The following FMNL3 variants were observed in gnomAD, a reference collection of about 807,000 sequenced individuals.
The protein encoded by FMNL3 is formin-like protein 3.
In FMNL3, 57 loss-of-function variants were observed where a neutral mutation model predicts 119.6. The ratio of observed to expected loss-of-function variants is 0.48; its 90% CI spans 0.39 to 0.59. The LOEUF (loss-of-function observed/expected upper bound fraction) is 0.59, where lower values mean the gene tolerates loss of function less well. Ranked by LOEUF, FMNL3 falls within the 20% of genes least tolerant of loss-of-function variation. The probability of loss-of-function intolerance (pLI) is 0.00; values close to 1 mark genes in which losing one functional copy is unlikely to be tolerated. For missense variants in FMNL3, 1,053 were observed against 1,323.5 expected (o/e 0.80, Z 3.17); for synonymous variants, 491 against 507.3 (o/e 0.97, Z 0.43).
At position 49,644,132 on chromosome 12, in the gene FMNL3, T is replaced by G. The variant is rs764979918; in HGVS notation, c.*1683A>C. 6.2e-7 allele frequency: 1 copy of G among 1,613,864 alleles called. No individual in the cohort carries two copies. The highest frequency in any genetic ancestry group is 1.1e-5 in the South Asian group (1 of 91,072). On this transcript the variant is annotated 3_prime_UTR_variant, in exon 26 of 26. Transcript: ENST00000335154. ...GGGACACGTCAGAAAGTGAGCTGAG[T>G]GAGGGTGAGCTGGAGAGGCGGCGGC...
chr12:49,637,146 C>G lies in FMNL3; in HGVS notation c.*8669G>C, dbSNP rs2138542750. The G allele has an allele frequency of 1.7e-6, 1 of 574,748 alleles. No individual in the cohort carries two copies. The highest frequency in any genetic ancestry group is 1.9e-5 in the African/African-American group (1 of 53,642). The allele number at this position is 574,748 out of a possible 1,614,324, so 35.6% of individuals were successfully genotyped here. A position where few individuals can be genotyped will look rare whatever the true frequency, so the allele number is the denominator to read the frequency against. On this transcript the variant is annotated 3_prime_UTR_variant, in exon 26 of 26. Transcript: ENST00000335154. The stretch of plus-strand genomic sequence containing the variant: ...TTATTTCCCTTGGTGGGGCACCCGA[C>G]AGGCAGAGTTTATTCCCTCAGCTTG...
chr12:49,659,621 C>T (rs144975627), intron 5 of FMNL3, among the ~76,000 whole-genome samples: 199 of 152,076 alleles, frequency 1.3e-3, no homozygotes, highest in South Asian at 0.011. Flanking sequence ...GCTATGTTAC[C>T]CAGTCTGGTC....
At chr12:49,651,628 G>T (rs1433299100) in intron 14 of FMNL3, among the ~76,000 whole-genome samples, 178 bp from the exon 15 acceptor site, 1 of 152,066 alleles carries the variant, frequency 6.6e-6, no homozygotes, top group Non-Finnish European at 1.5e-5. Context: ...CAGGGCAGTT[G>T]TTGCTGGTCT....
chr12:49,653,693 G>A (rs1943477630), intron 12 of FMNL3, 32 bp downstream of exon 12: 3 of 1,612,542 alleles, frequency 1.9e-6, no homozygotes, highest in Middle Eastern at 1.7e-4. Flanking sequence ...TCCATCAACA[G>A]TGGCTCTGGC....
In FMNL3 at chr12:49,662,042, G is replaced by A. The variant is rs752076456; in HGVS notation, c.376C>T (p.Arg126Trp). Residue 126 changes from arginine to tryptophan, a missense_variant, in exon 5 of 26, where the codon CGG becomes TGG. Around this residue, in one of 4 missense-constraint regions of FMNL3, gnomAD observed 264 missense variants for 265.5 expected, o/e 0.99. Transcript: ENST00000335154. Reference protein sequence around the residue: ...SLRTNHIGWVREFLNDENKGL... With the variant: ...SLRTNHIGWVWEFLNDENKGL... ...TTGTTTTCATCATTCAGAAATTCCCGCACCCACCTGCAGATAAAGGAAACA... is the reference window on the plus strand; with the variant it reads ...TTGTTTTCATCATTCAGAAATTCCCACACCCACCTGCAGATAAAGGAAACA... 2.0e-5 allele frequency: 33 copies of A among 1,614,012 alleles called. No individual in the cohort carries two copies. Among genetic ancestry groups the A allele is most frequent in the South Asian group, 3.3e-5 (3 of 91,080 alleles).
At position 49,645,260 on chromosome 12, in the gene FMNL3, T is replaced by C. The variant is rs574791223; in HGVS notation, c.*555A>G. The stretch of plus-strand genomic sequence containing the variant: ...AGGACAGTGTGAGCCTAGAATGAAA[T>C]GGGCAGAGAAATAAGGGCAGTGAGC... On this transcript the variant is annotated 3_prime_UTR_variant, in exon 26 of 26. Coordinates refer to ENST00000335154, the MANE Select transcript of FMNL3 (RefSeq NM_175736.5). The C allele has an allele frequency of 6.6e-6, 1 of 152,242 alleles. No individual in the cohort carries two copies. The highest frequency in any genetic ancestry group is 6.5e-5 in the Admixed American group (1 of 15,274). The allele number at this position is 152,242 out of a possible 1,614,324, so 9.4% of individuals were successfully genotyped here.
chr12:49,670,427 G>C (rs1034881984), intron 1 of FMNL3, among the ~76,000 whole-genome samples: 6 of 152,134 alleles, frequency 3.9e-5, no homozygotes, highest in African/African-American at 1.4e-4. Context: ...GCATCTAGTG[G>C]GGGCAGTAAG....
chr12:49,682,329 C>T (rs189590617), intron 1 of FMNL3, among the ~76,000 whole-genome samples: 1 of 152,094 alleles, frequency 6.6e-6, no homozygotes, highest in African/African-American at 2.4e-5. Context: ...CTCGGCCTCC[C>T]AAAGTGCTGG....
rs1943159428 is a variant in FMNL3 at position 49,645,865 on chromosome 12, T to C, written c.3034A>G (p.Arg1012Gly). 2 of 1,611,144 alleles carry C rather than the reference T, an allele frequency of 1.2e-6. No individual in the cohort carries two copies. The highest frequency in any genetic ancestry group is 1.7e-6 in the Non-Finnish European group (2 of 1,178,946). The change falls in exon 26 of 26, where the codon AGG becomes GGG. Residue 1012 changes from arginine to glycine, a missense_variant. Around this residue, in one of 4 missense-constraint regions of FMNL3, gnomAD observed 324 missense variants for 380.9 expected, o/e 0.85. Transcript: ENST00000335154. ...GGACCACTGGGCGGTGCAGCACTCC[T>C]GGCTTGGTGGCGAACAACCATAGGC... ...CQPMVVRHQA[R>G]SAAPPSGPPR...
In FMNL3 at chr12:49,642,842, G is replaced by C; in HGVS notation, c.*2973C>G. ...AGGCAGAAGGCTCTAGTCTGAGAAA[G>C]GGAGGCAAAGCCAGATTTTAGGAAG... On this transcript the variant is annotated 3_prime_UTR_variant, in exon 26 of 26. Coordinates refer to ENST00000335154, the MANE Select transcript of FMNL3 (RefSeq NM_175736.5). The surrounding 1 kb of genome is among the most constrained non-coding windows in gnomAD (Gnocchi z 5.8). The C allele has an allele frequency of 6.8e-7, 1 of 1,477,234 alleles. No homozygotes were observed. The highest frequency in any genetic ancestry group is 9.3e-7 in the Non-Finnish European group (1 of 1,080,670). 91.5% of individuals were successfully genotyped at this position (1,477,234 alleles called of 1,614,324 possible).
At position 49,648,290 on chromosome 12, in the gene FMNL3, C is replaced by T. The variant is rs765320560; in HGVS notation, c.2579G>A (p.Arg860His). 6.8e-6 allele frequency: 11 copies of T among 1,613,830 alleles called. No individual in the cohort carries two copies. Among genetic ancestry groups the T allele is most frequent in the South Asian group, 2.2e-5 (2 of 91,048 alleles). Residue 860 changes from arginine to histidine, a missense_variant, in exon 22 of 26, where the codon CGT becomes CAT. This residue lies in a region of FMNL3 where 324 missense variants were observed against 380.9 expected (regional missense o/e 0.85). Coordinates refer to ENST00000335154, the MANE Select transcript of FMNL3 (RefSeq NM_175736.5). Reference sequence around the variant, plus strand: ...GCTGTTGTCATGGATGCTGCACTCACGCCGAATCAGCTCCATGCCCCGGCC... The same window carrying T: ...GCTGTTGTCATGGATGCTGCACTCATGCCGAATCAGCTCCATGCCCCGGCC... The part of the protein sequence containing the change: ...ELGRGMELIR[R>H]ECSIHDNSVL...
Position 49,656,997 on chromosome 12 carries a change from T to C in FMNL3, c.714+85A>G, listed in dbSNP as rs1170400201. The C allele has an allele frequency of 6.5e-6, 10 of 1,547,004 alleles. No individual in the cohort carries two copies. The East Asian group carries it at 2.2e-4, about 35-fold the overall frequency. The stretch of plus-strand genomic sequence containing the variant: ...TAGGCCCACCAGCAAACCTGTCTTT[T>C]ATAAGCTGATGCCCTCCTAGCTCTC... On this transcript the variant is annotated intron_variant, in intron 7 of 25. Transcript: ENST00000335154.
intron 10 of FMNL3, 101 bp from the exon 11 acceptor site, chr12:49,654,403 T>C: frequency 1.2e-6 from 1 of 858,012 alleles, no homozygotes; most frequent in Non-Finnish European, 1.9e-6. Context: ...ATCATGTGGA[T>C]AATTACAGGG....
chr12:49,656,269 A>G (rs988640878), intron 9 of FMNL3, 135 bp downstream of exon 9: 3 of 631,520 alleles, frequency 4.8e-6, no homozygotes, highest in Non-Finnish European at 5.5e-6. Context: ...CTGGGAGTTC[A>G]GGAGAGAGGC....
Position 49,651,205 on chromosome 12 carries a change from G to A in FMNL3, c.1760C>T (p.Thr587Ile), listed in dbSNP as rs1193659779. ...CTCATCATCAAGTTCGCTGAAGACA[G>A]TGCCACTGATCTGGTTGGGTTTCAG... ...TALKPNQISG[T>I]VFSELDDEKI... Residue 587 changes from threonine to isoleucine, a missense_variant, in exon 16 of 26, where the codon ACT (threonine) becomes ATT (isoleucine). Physicochemically the swap from Thr to Ile is moderately conservative, Grantham distance 89. This residue lies in a region of FMNL3 where 445 missense variants were observed against 628.4 expected (regional missense o/e 0.71). Transcript: ENST00000335154. The A allele has an allele frequency of 6.2e-7, 1 of 1,613,826 alleles. No individual in the cohort carries two copies. Among genetic ancestry groups the A allele is most frequent in the Non-Finnish European group, 8.5e-7 (1 of 1,179,734 alleles).
In FMNL3 at chr12:49,658,460, G is replaced by A. The variant is rs769025035; in HGVS notation, c.587C>T (p.Ala196Val). ...APFTNSLARS[A>V]RQSVLRYSTL... is the part of the protein sequence containing the mutation. ...CACATACCGGAGCACAGACTGGCGCGCAGAGCGAGCGAGGCTGTTGGTGAA... is the reference window on the plus strand; with the variant it reads ...CACATACCGGAGCACAGACTGGCGCACAGAGCGAGCGAGGCTGTTGGTGAA... The change falls in exon 6 of 26, where the codon GCG becomes GTG. Residue 196 changes from alanine (A) to valine (V), a missense_variant. Ala to Val is a moderately conservative substitution (Grantham distance 64, BLOSUM62 0). Transcript: ENST00000335154. 13 of 1,608,608 alleles carry A rather than the reference G, an allele frequency of 8.1e-6. No homozygotes were observed. Among genetic ancestry groups the A allele is most frequent in the Non-Finnish European group, 8.5e-6 (10 of 1,176,850 alleles).
chr12:49,694,312 T>C (rs1203403456), intron 1 of FMNL3, among the ~76,000 whole-genome samples: 1 of 152,188 alleles, frequency 6.6e-6, no homozygotes, highest in Non-Finnish European at 1.5e-5. Flanking sequence ...GGATTTGCCC[T>C]GAGTAGATGA....
At chr12:49,646,168 C>T (rs1716671635) in intron 25 of FMNL3, among the ~76,000 whole-genome samples, 1 of 152,116 alleles carries the variant, frequency 6.6e-6, no homozygotes, top group Non-Finnish European at 1.5e-5. Context: ...CAGAAAGAGC[C>T]AGAAACTAGG....
At chr12:49,652,926 G>A (rs1040226651) in intron 13 of FMNL3, among the ~76,000 whole-genome samples, 2 of 152,104 alleles carry the variant, frequency 1.3e-5, no homozygotes, top group Non-Finnish European at 2.9e-5. Context: ...GGGGTAGAGG[G>A]GAGAAAAATC....
Sources: allele counts gnomAD v4.1 joint callset (sites outside exome capture counted in the v4.1 genomes callset), GRCh38; gene constraint gnomAD v4.1.1; regional missense constraint gnomAD v4.1.1; non-coding constraint Gnocchi (gnomAD v3.1); transcripts MANE v1.5; gene names NCBI Gene and HGNC (gene_info 2026-07-23, HGNC 2026-07-21).